The following TTLL5 variants were observed in gnomAD, a reference collection of about 807,000 sequenced individuals.
TTLL5 encodes tubulin tyrosine ligase like 5.
TTLL5 carries 132 observed loss-of-function variants against 168.4 expected under a neutral mutation model. That is an observed-to-expected ratio of 0.78 (90% CI 0.68 to 0.91). TTLL5 has a LOEUF of 0.91. Ranked by LOEUF, TTLL5 falls within the 40% of genes least tolerant of loss-of-function variation. TTLL5 has a pLI of 0.00. For synonymous variants in TTLL5, 546 were observed against 558.6 expected (o/e 0.98, Z 0.32); for missense variants, 1,545 against 1,581.5 (o/e 0.98, Z 0.39).
intron 30 of TTLL5, among the ~76,000 whole-genome samples, chr14:75,885,832 T>G (rs557126141): frequency 6.6e-6 from 1 of 152,350 alleles, no homozygotes; most frequent in South Asian, 2.1e-4. Flanking sequence ...TTAAGATAAA[T>G]GAATTGATGA....
At chr14:75,770,569 A>G (rs1425664754) in intron 20 of TTLL5, among the ~76,000 whole-genome samples, 1 of 152,238 alleles carries the variant, frequency 6.6e-6, no homozygotes. Context: ...GATCAGCTGA[A>G]GTAACCAAAA....
chr14:75,759,792 T>C (rs1251197442), intron 18 of TTLL5, among the ~76,000 whole-genome samples: 1 of 151,948 alleles, frequency 6.6e-6, no homozygotes, highest in East Asian at 1.9e-4. Context: ...TCATTAGATA[T>C]CCCAAAAAAG....
chr14:75,725,327 T>G (rs988147602), intron 12 of TTLL5, among the ~76,000 whole-genome samples: 18 of 152,334 alleles, frequency 1.2e-4, no homozygotes, highest in Middle Eastern at 6.8e-3. Flanking sequence ...TCTCTTCACT[T>G]TTTGAGATAA....
intron 28 of TTLL5, 77 bp from the exon 29 acceptor site, chr14:75,863,590 T>G: frequency 8.4e-5 from 114 of 1,363,890 alleles, no homozygotes; most frequent in Non-Finnish European, 1.0e-4. Context: ...GAAAAATACC[T>G]GAGATATTTC....
chr14:75,952,687 A>G (rs2034998613), intron 31 of TTLL5, among the ~76,000 whole-genome samples: 1 of 152,206 alleles, frequency 6.6e-6, no homozygotes, highest in African/African-American at 2.4e-5. Context: ...ATAAAAAAGG[A>G]GTAGAGTAGT....
intron 20 of TTLL5, among the ~76,000 whole-genome samples, chr14:75,766,674 A>T (rs1269887568): frequency 2.6e-5 from 4 of 152,186 alleles, no homozygotes; most frequent in Non-Finnish European, 5.9e-5. Context: ...TATCAGAGAC[A>T]GAGAGCTCAG....
intron 19 of TTLL5, among the ~76,000 whole-genome samples, chr14:75,765,298 TA>T (rs1890899805): frequency 6.6e-6 from 1 of 152,128 alleles, no homozygotes; most frequent in Admixed American, 6.6e-5. Context: ...GTTTTGCTGG[TA>T]AATAAAAAAG....
At chr14:75,916,505 G>A (rs1169592385) in intron 31 of TTLL5, among the ~76,000 whole-genome samples, 2 of 152,086 alleles carry the variant, frequency 1.3e-5, no homozygotes, top group African/African-American at 2.4e-5. Context: ...AGGCACAGTG[G>A]CACATGCCTA....
At chr14:75,669,638 A>G (rs1471689125) in intron 3 of TTLL5, 116 bp downstream of exon 3, 15 of 690,300 alleles carry the variant, frequency 2.2e-5, no homozygotes, top group Admixed American at 6.5e-5. Flanking sequence ...AGAAAAATCA[A>G]TTGAGTTGTT....
chr14:75,732,462 A>G, intron 13 of TTLL5, 43 bp downstream of exon 13: 1 of 1,543,216 alleles, frequency 6.5e-7, no homozygotes, highest in Non-Finnish European at 8.9e-7. Flanking sequence ...ATCTTCAAGT[A>G]GTACTTAAAG....
chr14:75,951,890 G>C (rs1757407997), intron 31 of TTLL5, among the ~76,000 whole-genome samples: 1 of 152,166 alleles, frequency 6.6e-6, no homozygotes, highest in Admixed American at 6.5e-5. Context: ...CAGTTTCTTA[G>C]ATATGACATC....
intron 28 of TTLL5, among the ~76,000 whole-genome samples, chr14:75,860,883 A>G (rs1157867721): frequency 6.6e-6 from 1 of 151,806 alleles, no homozygotes; most frequent in African/African-American, 2.4e-5. Flanking sequence ...TCCTTTCCTA[A>G]CGATGTCATC....
chr14:75,700,654 G>A (rs972511610), intron 7 of TTLL5, among the ~76,000 whole-genome samples: 1 of 152,094 alleles, frequency 6.6e-6, no homozygotes, highest in Admixed American at 6.5e-5. Context: ...TCAAGTTGTC[G>A]GCTTGGCCCT....
intron 12 of TTLL5, among the ~76,000 whole-genome samples, chr14:75,724,423 G>C (rs1199321412): frequency 6.6e-6 from 1 of 152,008 alleles, no homozygotes; most frequent in Admixed American, 6.6e-5. Flanking sequence ...TACAGATATA[G>C]ATATATATAT....
chr14:75,940,573 TAGTC>T (rs1227719423), intron 31 of TTLL5, among the ~76,000 whole-genome samples: 2 of 152,222 alleles, frequency 1.3e-5, no homozygotes, highest in Non-Finnish European at 2.9e-5. Context: ...ACATTGATTT[TAGTC>T]AGCCTTAAAA....
At chr14:75,873,149 T>C (rs770918552) in intron 29 of TTLL5, among the ~76,000 whole-genome samples, 122 of 150,988 alleles carry the variant, frequency 8.1e-4, no homozygotes, top group South Asian at 2.5e-3. Flanking sequence ...TCTCGGCTCA[T>C]TGCAAGCTCC....
intron 8 of TTLL5, 94 bp downstream of exon 8, chr14:75,707,181 C>T: frequency 2.0e-6 from 2 of 983,046 alleles, no homozygotes; most frequent in Non-Finnish European, 3.2e-6. Flanking sequence ...CTTTATTATA[C>T]TGTTGTGAAA....
intron 31 of TTLL5, among the ~76,000 whole-genome samples, chr14:75,952,937 T>C (rs1476390790): frequency 1.3e-5 from 2 of 152,178 alleles, no homozygotes; most frequent in Non-Finnish European, 2.9e-5. Flanking sequence ...AAATTGACTA[T>C]GATGACGGAT....
chr14:75,894,014 ATAAT>A (rs1437601352), intron 30 of TTLL5, among the ~76,000 whole-genome samples: 1 of 152,164 alleles, frequency 6.6e-6, no homozygotes, highest in African/African-American at 2.4e-5. Flanking sequence ...TGACTATAAA[ATAAT>A]TATTGGTCTT....
Sources: gnomAD v4.1 joint callset for allele counts (sites outside exome capture counted in the v4.1 genomes callset) on GRCh38, gnomAD v4.1.1 for gene constraint, MANE v1.5 for transcripts, NCBI Gene and HGNC (gene_info 2026-07-23, HGNC 2026-07-21) for gene names.